The following TYW1B variants were observed in gnomAD, a reference collection of about 807,000 sequenced individuals.
The protein encoded by TYW1B is tRNA-yW synthesizing protein 1 homolog B.
A neutral mutation model predicts 86.9 loss-of-function variants in TYW1B; 73 were observed. That is an observed-to-expected ratio of 0.84 (90% CI 0.70 to 1.02). TYW1B has a LOEUF of 1.02. Ranked by LOEUF, TYW1B falls within the 50% of genes least tolerant of loss-of-function variation. TYW1B has a pLI of 0.00. For missense variants in TYW1B, 637 were observed against 827.4 expected (o/e 0.77, Z 2.82); for synonymous variants, 248 against 292.8 (o/e 0.85, Z 1.56).
At chr7:72,773,741 T>C (rs1259822073) in intron 7 of TYW1B, among the ~76,000 whole-genome samples, 2 of 152,082 alleles carry the variant, frequency 1.3e-5, no homozygotes, top group Admixed American at 6.6e-5. Context: ...AAGAAACAAT[T>C]ACTGAACTTG....
chr7:72,602,683 T>C (rs1350820504), intron 13 of TYW1B, among the ~76,000 whole-genome samples: 44 of 152,180 alleles, frequency 2.9e-4, no homozygotes, highest in African/African-American at 1.0e-3. Context: ...GTGCCCAGCA[T>C]GGCAGCATAC....
chr7:72,672,248 G>A (rs1178640479), intron 11 of TYW1B, among the ~76,000 whole-genome samples: 24 of 152,000 alleles, frequency 1.6e-4, no homozygotes, highest in African/African-American at 5.5e-4. Flanking sequence ...GGAACTGTAA[G>A]TCCCATTAAA....
chr7:72,640,515 C>A (rs1812777915), intron 11 of TYW1B, among the ~76,000 whole-genome samples: 1 of 151,206 alleles, frequency 6.6e-6, no homozygotes, highest in African/African-American at 2.4e-5. Context: ...TATGCAAGCA[C>A]TGACCTAAAA....
intron 7 of TYW1B, among the ~76,000 whole-genome samples, chr7:72,750,056 G>T (rs1442864797): frequency 2.6e-5 from 4 of 151,496 alleles, no homozygotes; most frequent in Non-Finnish European, 5.9e-5. Flanking sequence ...CACCTGGTGG[G>T]GGGGTGGGTA....
intron 7 of TYW1B, among the ~76,000 whole-genome samples, chr7:72,768,143 GGAGA>G (rs1288886688): frequency 2.6e-5 from 4 of 151,866 alleles, no homozygotes; most frequent in African/African-American, 9.7e-5. Context: ...GGGAGGCTGA[GGAGA>G]GAGGATCGCT....
In TYW1B at chr7:72,778,924, T is replaced by A. The variant is rs577808888; in HGVS notation, c.847-1391A>T. Among the ~76,000 whole-genome samples, 5 of 92,116 alleles carry A rather than the reference T, an allele frequency of 5.4e-5. No individual in the cohort carries two copies. In the South Asian group the frequency reaches 1.4e-3, roughly 26 times the overall value. 60.4% of individuals were successfully genotyped at this position (92,116 alleles called of 152,430 possible). A position where few individuals can be genotyped will look rare whatever the true frequency, so the allele number is the denominator to read the frequency against. ...CCCTCATTCACTCTGTCCACTGATT[T>A]CTTCTTCTCTTTTTAAAAGTTTATT... is the stretch of plus-strand genomic sequence containing the variant. On this transcript the variant is annotated intron_variant, in intron 6 of 13. Transcript: ENST00000620995.
In TYW1B at chr7:72,815,367, G is replaced by A; in HGVS notation, c.237+13C>T. The stretch of plus-strand genomic sequence containing the variant: ...TTTGAGAGTTTTGATTGAAGAAAAA[G>A]ACAATTACCAACCTCTTCTATCAGA... On this transcript the variant is annotated intron_variant, in intron 3 of 13. Coordinates refer to ENST00000620995, the MANE Select transcript of TYW1B (RefSeq NM_001145440.3). The A allele has an allele frequency of 6.4e-7, 1 of 1,568,628 alleles. No individual in the cohort carries two copies. The highest frequency in any genetic ancestry group is 8.6e-7 in the Non-Finnish European group (1 of 1,162,748).
At chr7:72,675,003 G>A (rs1813702573) in intron 11 of TYW1B, among the ~76,000 whole-genome samples, 1 of 152,120 alleles carries the variant, frequency 6.6e-6, no homozygotes, top group African/African-American at 2.4e-5. Context: ...CCAAGGACCT[G>A]CTTAGAATAA....
chr7:72,684,675 T>G (rs1813963727), intron 11 of TYW1B, among the ~76,000 whole-genome samples: 1 of 152,192 alleles, frequency 6.6e-6, no homozygotes, highest in African/African-American at 2.4e-5. Flanking sequence ...TTTATTTTTC[T>G]TATTCTTAAT....
At position 72,804,706 on chromosome 7, in the gene TYW1B, G is replaced by C. The variant is rs1788463943; in HGVS notation, c.724-2184C>G. Among the ~76,000 whole-genome samples, 5 of 152,238 alleles carry C rather than the reference G, an allele frequency of 3.3e-5. No individual in the cohort carries two copies. In the South Asian group the frequency reaches 1.0e-3, roughly 32 times the overall value. ...TTTAAAAAACTTAGCTGGGCATGAT[G>C]GTGCATGCCTGTAGGCCCAGCTACT... is the stretch of plus-strand genomic sequence containing the variant. On this transcript the variant is annotated intron_variant, in intron 5 of 13. Coordinates refer to ENST00000620995, the MANE Select transcript of TYW1B (RefSeq NM_001145440.3).
At chr7:72,674,759 C>CTTT (rs10712486) in intron 11 of TYW1B, among the ~76,000 whole-genome samples, 1,936 of 134,116 alleles carry the variant, frequency 0.014, 41 homozygotes, top group East Asian at 0.051. Context: ...CCTTTTCTCT[C>CTTT]TTTTTTTTTT....
intron 11 of TYW1B, among the ~76,000 whole-genome samples, chr7:72,681,744 C>T (rs1813879929): frequency 6.8e-6 from 1 of 147,006 alleles, no homozygotes; most frequent in Non-Finnish European, 1.5e-5. Context: ...CACCACTATG[C>T]TCAGCTAATT....
chr7:72,648,460 T>C (rs1812985087), intron 11 of TYW1B, among the ~76,000 whole-genome samples: 1 of 151,386 alleles, frequency 6.6e-6, no homozygotes, highest in Non-Finnish European at 1.5e-5. Flanking sequence ...TGAGAATCAC[T>C]TGAACCCAGG....
rs782671659 is a variant in TYW1B at position 72,728,946 on chromosome 7, C to G, written c.1083-15G>C. The G allele has an allele frequency of 6.2e-7, 1 of 1,610,740 alleles. No individual in the cohort carries two copies. The highest frequency in any genetic ancestry group is 8.5e-7 in the Non-Finnish European group (1 of 1,177,644). On this transcript the variant is annotated splice_polypyrimidine_tract_variant and intron_variant, in intron 8 of 13. Transcript: ENST00000620995. ...TGTTGTGGTGCCTAGGAACAAGACG[C>G]AAAGTTCTAAAAGACCCTTCTGTAA...
intron 9 of TYW1B, among the ~76,000 whole-genome samples, chr7:72,725,391 C>T (rs1274635519): frequency 6.6e-6 from 1 of 152,140 alleles, no homozygotes; most frequent in Non-Finnish European, 1.5e-5. Context: ...AACACACATC[C>T]TCAGTCATCG....
intron 7 of TYW1B, among the ~76,000 whole-genome samples, chr7:72,764,608 A>T (rs1217079791): frequency 6.6e-6 from 1 of 152,176 alleles, no homozygotes; most frequent in African/African-American, 2.4e-5. Context: ...CACATTTCTG[A>T]TAATTTTAAG....
rs570809945 is a variant in TYW1B at position 72,633,670 on chromosome 7, T to C, written c.1507-4673A>G. ...TTTGGAATTTACGTCAGTGGAATCA[T>C]ACATTATTTTGTGTTTGGTGTCTAT... On this transcript the variant is annotated intron_variant, in intron 11 of 13. Transcript: ENST00000620995. Among the ~76,000 whole-genome samples, 6 of 152,290 alleles carry C rather than the reference T, an allele frequency of 3.9e-5. No homozygotes were observed. The South Asian group carries it at 8.3e-4, about 21-fold the overall frequency.
At chr7:72,709,181 TC>T (rs1270271912) in intron 10 of TYW1B, among the ~76,000 whole-genome samples, 1 of 152,202 alleles carries the variant, frequency 6.6e-6, no homozygotes, top group Non-Finnish European at 1.5e-5. Context: ...TTTGTTCTTC[TC>T]TTTCTAGATA....
At chr7:72,733,621 ATTGCACTCC>A (rs1554460361) in intron 8 of TYW1B, among the ~76,000 whole-genome samples, 1 of 152,194 alleles carries the variant, frequency 6.6e-6, no homozygotes, top group Non-Finnish European at 1.5e-5. Flanking sequence ...AGATTGTGCC[ATTGCACTCC>A]AGCCTGGGGG....
Sources: allele counts gnomAD v4.1 joint callset (sites outside exome capture counted in the v4.1 genomes callset), GRCh38; gene constraint gnomAD v4.1.1; transcripts MANE v1.5; gene names NCBI Gene and HGNC (gene_info 2026-07-23, HGNC 2026-07-21).